The following FAT3 variants were observed in gnomAD, a reference collection of about 807,000 sequenced individuals.
The protein encoded by FAT3 is protocadherin Fat 3.
FAT3 carries 95 observed loss-of-function variants against 310.2 expected under a neutral mutation model. The observed-to-expected ratio is 0.31, with a 90% CI of 0.26 to 0.36. The LOEUF (loss-of-function observed/expected upper bound fraction) is 0.36. FAT3 is among the 10% of genes least tolerant of loss of function. FAT3 has a pLI of 1.00. For synonymous variants in FAT3, 2,314 were observed against 2,192.9 expected (o/e 1.06, Z -1.54); for missense variants, 5,408 against 5,715.6 (o/e 0.95, Z 1.74).
intron 1 of FAT3, among the ~76,000 whole-genome samples, chr11:92,298,465 C>G (rs1301277324): frequency 2.0e-5 from 3 of 151,944 alleles, no homozygotes; most frequent in Non-Finnish European, 4.4e-5. Flanking sequence ...CTTTATGTGT[C>G]TTAGCTTTCT....
At chr11:92,294,419 T>C (rs73544701) in intron 1 of FAT3, among the ~76,000 whole-genome samples, 3,215 of 152,142 alleles carry the variant, frequency 0.021, 128 homozygotes, top group African/African-American at 0.074. Context: ...CAAACACTGC[T>C]AGGTGCTGAC....
At chr11:92,234,614 A>G (rs895331896) in intron 1 of FAT3, among the ~76,000 whole-genome samples, 3 of 152,166 alleles carry the variant, frequency 2.0e-5, no homozygotes, top group Admixed American at 2.0e-4. Flanking sequence ...ACTAAAAAAT[A>G]CAAAAATTGC....
chr11:92,338,951 C>A (rs1948167364), intron 1 of FAT3, among the ~76,000 whole-genome samples: 1 of 152,164 alleles, frequency 6.6e-6, no homozygotes, highest in Non-Finnish European at 1.5e-5. Context: ...CAGTTTCTAA[C>A]CTCAGCCATG....
intron 13 of FAT3, among the ~76,000 whole-genome samples, chr11:92,820,763 A>G (rs1391517275): frequency 1.3e-5 from 2 of 152,226 alleles, no homozygotes; most frequent in Non-Finnish European, 2.9e-5. Flanking sequence ...AAACCATGAA[A>G]TAATAAATAT....
intron 1 of FAT3, among the ~76,000 whole-genome samples, chr11:92,320,800 G>A (rs1947594715): frequency 6.6e-6 from 1 of 151,424 alleles, no homozygotes; most frequent in Admixed American, 6.6e-5. Context: ...AACCCAGGAG[G>A]CAGAGGTTGC....
chr11:92,724,840 G>A (rs967531507), intron 4 of FAT3, among the ~76,000 whole-genome samples: 2 of 152,198 alleles, frequency 1.3e-5, no homozygotes, highest in African/African-American at 4.8e-5. Flanking sequence ...TGGGTCCAAA[G>A]CCAGAGGAGC....
chr11:92,719,670 A>G (rs1022807588), intron 4 of FAT3, among the ~76,000 whole-genome samples: 1 of 150,570 alleles, frequency 6.6e-6, no homozygotes, highest in Non-Finnish European at 1.5e-5. Flanking sequence ...TTTTTATCCA[A>G]GTTTGGTTGA....
At chr11:92,706,603 A>T (rs1944361321) in intron 4 of FAT3, among the ~76,000 whole-genome samples, 1 of 152,038 alleles carries the variant, frequency 6.6e-6, no homozygotes, top group South Asian at 2.1e-4. Flanking sequence ...CATTTTTTTT[A>T]AAACACTGTC....
At chr11:92,534,804 A>G (rs117742716) in intron 3 of FAT3, among the ~76,000 whole-genome samples, 11 of 152,334 alleles carry the variant, frequency 7.2e-5, no homozygotes, top group Non-Finnish European at 1.6e-4. Flanking sequence ...ACAAGAGAAA[A>G]ACATACAAAT....
intron 2 of FAT3, among the ~76,000 whole-genome samples, chr11:92,425,242 C>A (rs1463397730): frequency 6.6e-6 from 1 of 151,780 alleles, no homozygotes; most frequent in African/African-American, 2.4e-5. Context: ...CTTTTGAATT[C>A]TAGGATTATA....
At chr11:92,423,646 C>T (rs902762412) in intron 2 of FAT3, among the ~76,000 whole-genome samples, 4 of 152,034 alleles carry the variant, frequency 2.6e-5, no homozygotes, top group African/African-American at 7.2e-5. Context: ...TCTCAGCATC[C>T]GTATCTACCT....
intron 5 of FAT3, 143 bp from the exon 6 acceptor site, chr11:92,764,736 C>A: frequency 1.4e-6 from 1 of 720,484 alleles, no homozygotes; most frequent in Non-Finnish European, 2.2e-6. Context: ...CAAGTCTTTA[C>A]TCCCCAGACC....
chr11:92,810,454 A>G (rs1029369486), intron 13 of FAT3, among the ~76,000 whole-genome samples: 7 of 152,194 alleles, frequency 4.6e-5, no homozygotes, highest in Non-Finnish European at 1.0e-4. Context: ...TGAAGCAAGG[A>G]GAATTTGATT....
At chr11:92,614,642 T>C (rs1591522184) in intron 3 of FAT3, among the ~76,000 whole-genome samples, 1 of 152,218 alleles carries the variant, frequency 6.6e-6, no homozygotes, top group South Asian at 2.1e-4. Context: ...TCCAAATTAT[T>C]TCTCCTGATC....
At chr11:92,625,032 T>C (rs965720323) in intron 3 of FAT3, among the ~76,000 whole-genome samples, 1 of 152,200 alleles carries the variant, frequency 6.6e-6, no homozygotes, top group African/African-American at 2.4e-5. Flanking sequence ...TCATTTTAAT[T>C]TGATAACCTC....
chr11:92,650,314 A>T (rs899783401), intron 3 of FAT3, among the ~76,000 whole-genome samples: 2 of 152,102 alleles, frequency 1.3e-5, no homozygotes, highest in Non-Finnish European at 2.9e-5. Flanking sequence ...TCTTCCAGAT[A>T]TTGTATTTGT....
intron 6 of FAT3, among the ~76,000 whole-genome samples, chr11:92,770,204 A>C (rs777632951): frequency 6.6e-6 from 1 of 152,132 alleles, no homozygotes; most frequent in Admixed American, 6.6e-5. Flanking sequence ...TTTCCATAGC[A>C]ACAGTCTGGT....
chr11:92,583,785 A>G (rs777284953), intron 3 of FAT3, among the ~76,000 whole-genome samples: 8 of 151,940 alleles, frequency 5.3e-5, no homozygotes, highest in Non-Finnish European at 8.8e-5. Context: ...CAACAGATGC[A>G]TTGTTCGTTC....
In FAT3 at chr11:92,628,474, T is replaced by C. The variant is rs928022580; in HGVS notation, c.3608-68910T>C. On this transcript the variant is annotated intron_variant, in intron 3 of 27. Coordinates refer to ENST00000525166, the MANE Select transcript of FAT3 (RefSeq NM_001367949.2). ...GCTATGATAATATGTGATGACTGACTTCAAGAAAAATGCTCTGCCCTCCTC... is the reference window on the plus strand; with the variant it reads ...GCTATGATAATATGTGATGACTGACCTCAAGAAAAATGCTCTGCCCTCCTC... Among the ~76,000 whole-genome samples the C allele has an allele frequency of 5.8e-5, 6 of 103,124 alleles. No individual in the cohort carries two copies. In the East Asian group the frequency reaches 1.4e-3, roughly 24 times the overall value. 67.7% of individuals were successfully genotyped at this position (103,124 alleles called of 152,430 possible).
Sources: gnomAD v4.1 joint callset for allele counts (sites outside exome capture counted in the v4.1 genomes callset) on GRCh38, gnomAD v4.1.1 for gene constraint, MANE v1.5 for transcripts, NCBI Gene and HGNC (gene_info 2026-07-23, HGNC 2026-07-21) for gene names.